USP34: variants seen among roughly 807,000 people sequenced by gnomAD.
USP34 encodes the protein ubiquitin specific peptidase 34.
Under a neutral mutation model 460.3 loss-of-function variants are expected in USP34, and 70 were observed. The ratio of observed to expected loss-of-function variants is 0.15; its 90% CI spans 0.13 to 0.19. The LOEUF (loss-of-function observed/expected upper bound fraction) is 0.19. Among genes scored for constraint, USP34 ranks in the 10% least tolerant of loss-of-function variants. The pLI, the probability that USP34 is intolerant of heterozygous loss-of-function variation, is 1.00. For synonymous variants in USP34, 1,647 were observed against 1,405.3 expected, an observed-to-expected ratio of 1.17 and a Z score of -3.85; for missense variants, 3,985 against 4,236.2, an observed-to-expected ratio of 0.94 and a Z score of 1.65.
intron 38 of USP34, 76 bp from the exon 39 acceptor site, chr2:61,280,424 G>C (rs1689499498): frequency 4.3e-6 from 3 of 690,628 alleles, no homozygotes; most frequent in Non-Finnish European, 6.4e-6. Context: ...GAAACTAGAG[G>C]CTTTATGAAA....
intron 1 of USP34, among the ~76,000 whole-genome samples, chr2:61,428,820 TAAAG>T (rs1319329527): frequency 6.6e-6 from 1 of 151,828 alleles, no homozygotes; most frequent in Non-Finnish European, 1.5e-5. Context: ...GGTTTGAAAA[TAAAG>T]AGAGAAAAGA....
Position 61,402,449 on chromosome 2 carries a change from ATACAG to A in USP34, c.552+3254_552+3258del, listed in dbSNP as rs145506575. Among the ~76,000 whole-genome samples the A allele has an allele frequency of 8.4e-4, 128 of 152,304 alleles. 2 individuals carry two copies. In the East Asian group the frequency reaches 0.023, roughly 27 times the overall value. ...GCTCCAAGTTCCCATATTATTTAGA[ATACAG>A]TAATTAGTTCAAAATGATTTAGAAG... is the stretch of plus-strand genomic sequence containing the variant. On this transcript the variant is annotated intron_variant, in intron 3 of 79. Coordinates refer to ENST00000398571, the MANE Select transcript of USP34 (RefSeq NM_014709.4).
chr2:61,366,435 C>T (rs1692444097), intron 10 of USP34, among the ~76,000 whole-genome samples: 1 of 152,124 alleles, frequency 6.6e-6, no homozygotes, highest in South Asian at 2.1e-4. Context: ...TTCTTTCTGT[C>T]AGCCACCCGT....
At chr2:61,316,926 T>A in intron 23 of USP34, among the ~76,000 whole-genome samples, 1 of 152,276 alleles carries the variant, frequency 6.6e-6, no homozygotes, top group Non-Finnish European at 1.5e-5. Flanking sequence ...ATAATTCTTT[T>A]TCCTTTTTAA....
intron 10 of USP34, among the ~76,000 whole-genome samples, chr2:61,364,187 G>C (rs1692360295): frequency 6.6e-6 from 1 of 152,130 alleles, no homozygotes; most frequent in African/African-American, 2.4e-5. Context: ...ACCAGCCTGA[G>C]CAATACAAGA....
chr2:61,284,031 A>T (rs1163798294), intron 35 of USP34, among the ~76,000 whole-genome samples: 1 of 152,172 alleles, frequency 6.6e-6, no homozygotes, highest in Non-Finnish European at 1.5e-5. Flanking sequence ...GTGTCTAGTC[A>T]ATAAAAATAT....
chr2:61,367,186 T>C (rs528162342), intron 10 of USP34, among the ~76,000 whole-genome samples: 52 of 152,248 alleles, frequency 3.4e-4, no homozygotes, highest in African/African-American at 9.6e-4. Context: ...AAACGTAACA[T>C]AGAAAGGGCT....
At chr2:61,416,586 TAAC>T (rs1422490581) in intron 2 of USP34, among the ~76,000 whole-genome samples, 3 of 152,148 alleles carry the variant, frequency 2.0e-5, no homozygotes, top group Non-Finnish European at 2.9e-5. Context: ...AATCAACACT[TAAC>T]AACATGAAGA....
chr2:61,221,024 T>G (rs1225082802), intron 66 of USP34, among the ~76,000 whole-genome samples: 1 of 152,156 alleles, frequency 6.6e-6, no homozygotes, highest in Non-Finnish European at 1.5e-5. Flanking sequence ...CACAGCAAAG[T>G]TGAGTAGTTT....
intron 58 of USP34, among the ~76,000 whole-genome samples, chr2:61,231,580 T>C (rs1687907301): frequency 6.6e-6 from 1 of 151,832 alleles, no homozygotes; most frequent in Non-Finnish European, 1.5e-5. Flanking sequence ...CCAGGTGTGG[T>C]GGTGTGTGCT....
chr2:61,248,686 G>A lies in USP34; in HGVS notation c.6222-3C>T, dbSNP rs1176018899. On this transcript the variant is annotated splice_region_variant and splice_polypyrimidine_tract_variant and intron_variant, in intron 48 of 79. Coordinates refer to ENST00000398571, the MANE Select transcript of USP34 (RefSeq NM_014709.4). ...GAGGCAATTTCTTAAAACATGCCCTGAGAGACAAGAAAAAAATTAATAAAG... is the reference window on the plus strand; with the variant it reads ...GAGGCAATTTCTTAAAACATGCCCTAAGAGACAAGAAAAAAATTAATAAAG... 1.3e-6 allele frequency: 2 copies of A among 1,544,170 alleles called. No homozygotes were observed. The highest frequency in any genetic ancestry group is 1.4e-5 in the African/African-American group (1 of 72,166).
chr2:61,302,046 G>A (rs1354281296), intron 27 of USP34, among the ~76,000 whole-genome samples: 1 of 152,152 alleles, frequency 6.6e-6, no homozygotes, highest in Non-Finnish European at 1.5e-5. Context: ...TTCCACAAGG[G>A]CAGAGGTGTT....
chr2:61,220,450 T>G lies in USP34; in HGVS notation c.7907A>C (p.Glu2636Ala). 6.2e-7 allele frequency: 1 copy of G among 1,610,452 alleles called. No individual in the cohort carries two copies. Among genetic ancestry groups the G allele is most frequent in the Non-Finnish European group, 8.5e-7 (1 of 1,178,784 alleles). The change falls in exon 67 of 80, where the codon GAA becomes GCA. Residue 2636 changes from glutamate to alanine, a missense_variant. Coordinates refer to ENST00000398571, the MANE Select transcript of USP34 (RefSeq NM_014709.4). ...ATCTAGACACTGAGAAGGATTGTAT[T>G]CAATCACCTACAAATAACATGACAA... is the stretch of plus-strand genomic sequence containing the variant. The part of the protein sequence containing the change: ...YILQRIWEVI[E>A]YNPSQCLDWL...
At chr2:61,327,784 T>C (rs754280046) in intron 20 of USP34, among the ~76,000 whole-genome samples, 15 of 152,128 alleles carry the variant, frequency 9.9e-5, no homozygotes, top group Non-Finnish European at 1.9e-4. Context: ...TGAGAAAAAT[T>C]CCTTGGGATG....
At chr2:61,283,050 A>G (rs1030623764) in intron 37 of USP34, 95 bp downstream of exon 37, 5 of 1,294,904 alleles carry the variant, frequency 3.9e-6, no homozygotes, top group Non-Finnish European at 5.4e-6. Flanking sequence ...TTATGGACTC[A>G]CGCATATTTG....
chr2:61,462,532 GAGTA>G (rs1695633356), intron 1 of USP34, among the ~76,000 whole-genome samples: 1 of 148,048 alleles, frequency 6.8e-6, no homozygotes, highest in Admixed American at 6.8e-5. Flanking sequence ...CTGGGCCACA[GAGTA>G]AGACTCCGTC....
chr2:61,264,350 T>G (rs1688984458), intron 43 of USP34, among the ~76,000 whole-genome samples: 1 of 152,196 alleles, frequency 6.6e-6, no homozygotes, highest in African/African-American at 2.4e-5. Flanking sequence ...GATAACATGA[T>G]GAGGCCAGGC....
chr2:61,365,020 A>G (rs1309819332), intron 10 of USP34, among the ~76,000 whole-genome samples: 1 of 151,870 alleles, frequency 6.6e-6, no homozygotes, highest in East Asian at 1.9e-4. Context: ...TTGGGAGATC[A>G]AGGCAGGCAG....
intron 27 of USP34, among the ~76,000 whole-genome samples, chr2:61,306,907 C>CGATT (rs1295165561): frequency 1.3e-5 from 2 of 152,078 alleles, no homozygotes; most frequent in Non-Finnish European, 2.9e-5. Flanking sequence ...GACAGTGTGG[C>CGATT]GATTCCTCAG....
Sources: allele counts gnomAD v4.1 joint callset (sites outside exome capture counted in the v4.1 genomes callset), GRCh38; gene constraint gnomAD v4.1.1; transcripts MANE v1.5; gene names NCBI Gene and HGNC (gene_info 2026-07-23, HGNC 2026-07-21).